Variants in RHOH observed in about 807,000 individuals in gnomAD.
The protein encoded by RHOH is rho-related GTP-binding protein RhoH.
In RHOH, 6 loss-of-function variants were observed where a neutral mutation model predicts 13.8. The ratio of observed to expected loss-of-function variants is 0.44; its 90% confidence interval spans 0.24 to 0.86. The LOEUF is 0.86. Among genes scored for constraint, RHOH ranks in the 40% least tolerant of loss-of-function variants. RHOH has a pLI of 0.24. For missense variants in RHOH, 147 were observed against 244.5 expected (o/e 0.60, Z 2.66); for synonymous variants, 117 against 103.0 (o/e 1.14, Z -0.82).
At position 40,243,515 on chromosome 4, in the gene RHOH, G is replaced by A. The variant is rs768036454; in HGVS notation, c.129G>A (p.Val43=). 7.4e-6 allele frequency: 12 copies of A among 1,614,000 alleles called. No homozygotes were observed. In the South Asian group the frequency reaches 1.3e-4, roughly 18 times the overall value. ...YKPTVYENTG[V]DVFMDGIQIS... Reference sequence around the variant, plus strand: ...CCACAGTGTACGAGAACACAGGGGTGGACGTCTTCATGGATGGCATCCAGA... The same window carrying A: ...CCACAGTGTACGAGAACACAGGGGTAGACGTCTTCATGGATGGCATCCAGA... Residue 43 remains valine, a synonymous_variant, in exon 3 of 3, where the codon GTG becomes GTA. Transcript: ENST00000381799. The surrounding 1 kb of genome is among the most constrained non-coding windows in gnomAD (Gnocchi z 6.2).
rs372713940 is a variant in RHOH at position 40,243,777 on chromosome 4, G to A, written c.391G>A (p.Val131Ile). 55 of 1,613,906 alleles carry A rather than the reference G, an allele frequency of 3.4e-5. No homozygotes were observed. Among genetic ancestry groups the A allele is most frequent in the African/African-American group, 1.1e-4 (8 of 74,894 alleles). ...GATGGGGCCCCACAGGGCCTCCTGCGTCAATGCCATGGAAGGGAAGAAACT... is the reference window on the plus strand; with the variant it reads ...GATGGGGCCCCACAGGGCCTCCTGCATCAATGCCATGGAAGGGAAGAAACT... Reference protein sequence around the residue: ...REMGPHRASCVNAMEGKKLAQ... With the variant: ...REMGPHRASCINAMEGKKLAQ... Residue 131 changes from valine to isoleucine, a missense_variant, in exon 3 of 3, where the codon GTC becomes ATC. Transcript: ENST00000381799. This position sits in a 1 kb window ranked among gnomAD's most constrained non-coding sequence, Gnocchi z 6.2.
upstream of RHOH, among the ~76,000 whole-genome samples, chr4:40,195,065 T>C (rs370612176): frequency 2.0e-5 from 3 of 152,362 alleles, no homozygotes; most frequent in East Asian, 5.8e-4. Flanking sequence ...TACCAGTTGC[T>C]GAAGAGCATA....
chr4:40,231,873 G>T (rs993508496), intron 1 of RHOH, among the ~76,000 whole-genome samples: 7 of 152,214 alleles, frequency 4.6e-5, no homozygotes, highest in Non-Finnish European at 2.9e-5. Context: ...GCCCAACTGA[G>T]CTGCCTCTCA....
At chr4:40,204,664 A>G (rs1219635810) in intron 1 of RHOH, among the ~76,000 whole-genome samples, 1 of 152,174 alleles carries the variant, frequency 6.6e-6, no homozygotes, top group Non-Finnish European at 1.5e-5. Flanking sequence ...TTGCAGAGGA[A>G]GTTCTGGTTA....
intron 1 of RHOH, among the ~76,000 whole-genome samples, chr4:40,197,806 A>G (rs1355780289): frequency 6.6e-6 from 1 of 152,206 alleles, no homozygotes; most frequent in Non-Finnish European, 1.5e-5. Flanking sequence ...TCTATGATGT[A>G]TAACATGTAT....
chr4:40,231,251 A>G (rs917176867), intron 1 of RHOH, among the ~76,000 whole-genome samples: 1 of 148,968 alleles, frequency 6.7e-6, no homozygotes, highest in Admixed American at 6.7e-5. Context: ...GACCCGTACG[A>G]TGTTATGTTA....
rs1455730118 is a variant in RHOH at position 40,243,447 on chromosome 4, T to C, written c.61T>C (p.Leu21=). The part of the protein sequence containing the change: ...GDSAVGKTSL[L]VRFTSETFPE... The stretch of plus-strand genomic sequence containing the variant: ...CTCTGCTGTGGGGAAAACCTCTCTG[T>C]TGGTGCGCTTCACCTCCGAGACCTT... The change falls in exon 3 of 3, where the codon TTG becomes CTG. Residue 21 remains leucine (L), a synonymous_variant. Transcript: ENST00000381799. This position sits in a 1 kb window ranked among gnomAD's most constrained non-coding sequence, Gnocchi z 6.2. 3.1e-6 allele frequency: 5 copies of C among 1,613,162 alleles called. No homozygotes were observed. The highest frequency in any genetic ancestry group is 4.2e-6 in the Non-Finnish European group (5 of 1,179,620).
intron 1 of RHOH, among the ~76,000 whole-genome samples, chr4:40,231,015 G>A (rs541925480): frequency 6.6e-6 from 1 of 152,268 alleles, no homozygotes; most frequent in East Asian, 1.9e-4. Flanking sequence ...TCAAAACTGC[G>A]CAAATAGCAC....
chr4:40,233,034 C>T (rs1728131912), intron 1 of RHOH, among the ~76,000 whole-genome samples: 1 of 152,128 alleles, frequency 6.6e-6, no homozygotes, highest in African/African-American at 2.4e-5. Flanking sequence ...TGTTTTGTTC[C>T]AGGCACTGTT....
At chr4:40,210,404 G>T (rs7667289) in intron 1 of RHOH, among the ~76,000 whole-genome samples, 2 of 152,158 alleles carry the variant, frequency 1.3e-5, no homozygotes, top group African/African-American at 4.8e-5. Context: ...GATTGCTGCA[G>T]CTTCTAGCCA....
intron 1 of RHOH, among the ~76,000 whole-genome samples, chr4:40,240,791 A>AAAAT (rs35694869): frequency 0.014 from 2,059 of 152,036 alleles, 27 homozygotes; most frequent in Middle Eastern, 0.027. Context: ...AAATAAAATT[A>AAAAT]AAATAAATAA....
At chr4:40,219,696 G>A (rs980234560) in intron 1 of RHOH, among the ~76,000 whole-genome samples, 1 of 152,134 alleles carries the variant, frequency 6.6e-6, no homozygotes, top group African/African-American at 2.4e-5. Flanking sequence ...TGCTTATTGG[G>A]AAGGCCTCAT....
At chr4:40,199,247 T>C (rs2109350084) in intron 1 of RHOH, among the ~76,000 whole-genome samples, 1 of 152,220 alleles carries the variant, frequency 6.6e-6, no homozygotes, top group Non-Finnish European at 1.5e-5. Flanking sequence ...AATCTCTCAA[T>C]AGATGCAACT....
At chr4:40,192,960 G>C (rs1282319287), upstream of RHOH, 1 of 152,334 alleles carries the variant, frequency 6.6e-6, no homozygotes, top group East Asian at 1.9e-4. Flanking sequence ...TGTTAAAATA[G>C]GGTTTAAAGT....
intron 1 of RHOH, among the ~76,000 whole-genome samples, chr4:40,231,721 G>T (rs187275038): frequency 6.6e-6 from 1 of 152,172 alleles, no homozygotes; most frequent in Non-Finnish European, 1.5e-5. Context: ...CATCTGCTCT[G>T]GATAAAGTCA....
intron 1 of RHOH, chr4:40,212,875 G>T (rs1725428212): frequency 6.6e-6 from 1 of 152,256 alleles, no homozygotes; most frequent in Admixed American, 6.5e-5. Context: ...CCTTGCAGGG[G>T]ATCCTTATCA....
At chr4:40,231,164 C>T (rs1199329710) in intron 1 of RHOH, among the ~76,000 whole-genome samples, 2 of 152,130 alleles carry the variant, frequency 1.3e-5, no homozygotes, top group Non-Finnish European at 2.9e-5. Context: ...CCTGTACAGG[C>T]CATTTTGAAA....
intron 1 of RHOH, among the ~76,000 whole-genome samples, chr4:40,238,781 C>T (rs13124818): frequency 0.1 from 15,970 of 152,208 alleles, 1,127 homozygotes; most frequent in South Asian, 0.18. Flanking sequence ...CTCTTCCGTA[C>T]GAAGAGACAT....
chr4:40,203,584 C>T (rs186325919), intron 1 of RHOH, among the ~76,000 whole-genome samples: 60 of 151,590 alleles, frequency 4.0e-4, no homozygotes, highest in African/African-American at 1.0e-3. Context: ...AAGGTGAAGC[C>T]GCTACTTAAA....
Sources: allele counts gnomAD v4.1 joint callset (sites outside exome capture counted in the v4.1 genomes callset), GRCh38; gene constraint gnomAD v4.1.1; non-coding constraint Gnocchi (gnomAD v3.1); transcripts MANE v1.5; gene names NCBI Gene and HGNC (gene_info 2026-07-23, HGNC 2026-07-21).